Variants in ARHGAP8 observed in about 807,000 individuals in gnomAD.
The protein encoded by ARHGAP8 is rho GTPase-activating protein 8.
A neutral mutation model predicts 46.1 loss-of-function variants in ARHGAP8; 62 were observed. The ratio of observed to expected loss-of-function variants is 1.34; its 90% CI spans 1.10 to 1.66. The LOEUF (loss-of-function observed/expected upper bound fraction) is 1.66. Among genes scored for constraint, ARHGAP8 ranks in the 40% most tolerant of loss-of-function variants. ARHGAP8 has a pLI of 0.00. For synonymous variants in ARHGAP8, 375 were observed against 243.1 expected, an observed-to-expected ratio of 1.54 and a Z score of -5.05; for missense variants, 923 against 568.4, an observed-to-expected ratio of 1.62 and a Z score of -6.34.
At chr22:44,824,559 A>G (rs560377318) in intron 6 of ARHGAP8, among the ~76,000 whole-genome samples, 7 of 151,980 alleles carry the variant, frequency 4.6e-5, no homozygotes, top group Admixed American at 1.3e-4. Context: ...TAGGGCTTCA[A>G]TACGTATTTG....
At chr22:44,775,846 T>A (rs578220844) in intron 1 of ARHGAP8, among the ~76,000 whole-genome samples, 2 of 152,288 alleles carry the variant, frequency 1.3e-5, no homozygotes, top group South Asian at 4.2e-4. Context: ...ATGTAGCTAC[T>A]TAGCATTCTG....
At chr22:44,769,748 C>T (rs931867408) in intron 1 of ARHGAP8, among the ~76,000 whole-genome samples, 1 of 152,170 alleles carries the variant, frequency 6.6e-6, no homozygotes, top group Non-Finnish European at 1.5e-5. Context: ...CTGCCTGCTA[C>T]ACAGAAAACC....
chr22:44,784,434 A>G (rs1204998154), intron 1 of ARHGAP8, among the ~76,000 whole-genome samples: 1 of 152,208 alleles, frequency 6.6e-6, no homozygotes, highest in Non-Finnish European at 1.5e-5. Flanking sequence ...AAACAGTATA[A>G]AAATTCCTTA....
At chr22:44,849,164 C>T in intron 10 of ARHGAP8, 104 bp downstream of exon 10, 3 of 1,562,932 alleles carry the variant, frequency 1.9e-6, no homozygotes, top group African/African-American at 1.3e-5. Context: ...GTGACGTGTA[C>T]CCACCCTCCT....
intron 10 of ARHGAP8, 119 bp from the exon 11 acceptor site, chr22:44,859,612 A>C: frequency 9.1e-6 from 10 of 1,098,396 alleles, no homozygotes; most frequent in East Asian, 2.5e-5. Flanking sequence ...CCAAGCCCAA[A>C]TGTGGGATAG....
intron 9 of ARHGAP8, 132 bp downstream of exon 9, chr22:44,848,182 G>A: frequency 7.6e-7 from 1 of 1,316,832 alleles, no homozygotes. Context: ...TCAGGGTGGG[G>A]GCAGCTTCCC....
chr22:44,860,729 C>A (rs749961040), intron 11 of ARHGAP8, among the ~76,000 whole-genome samples: 2 of 149,628 alleles, frequency 1.3e-5, no homozygotes, highest in Non-Finnish European at 3.0e-5. Context: ...GGGCAGGGAT[C>A]CATTTGGAGC....
intron 1 of ARHGAP8, among the ~76,000 whole-genome samples, chr22:44,779,444 C>T (rs897697762): frequency 6.6e-6 from 1 of 152,048 alleles, no homozygotes; most frequent in Non-Finnish European, 1.5e-5. Context: ...CCACTCACGT[C>T]GGTACGCGTG....
At chr22:44,772,352 CT>C (rs58041776) in intron 1 of ARHGAP8, among the ~76,000 whole-genome samples, 9,284 of 92,340 alleles carry the variant, frequency 0.1, 473 homozygotes, top group African/African-American at 0.12. Flanking sequence ...TTTCTTTTTT[CT>C]TTTTTTTTTT....
chr22:44,842,513 C>T (rs1332095980), intron 7 of ARHGAP8, among the ~76,000 whole-genome samples: 1 of 152,218 alleles, frequency 6.6e-6, no homozygotes, highest in Non-Finnish European at 1.5e-5. Flanking sequence ...CCAGAAAGGT[C>T]ACGTGCTTTG....
rs374688147 is a variant in ARHGAP8 at position 44,859,717 on chromosome 22, C to G, written c.878-14C>G. The G allele has an allele frequency of 4.7e-5, 75 of 1,612,566 alleles. No individual in the cohort carries two copies. The African/African-American group carries it at 8.8e-4, about 19-fold the overall frequency. The stretch of plus-strand genomic sequence containing the variant: ...CCCCTCTGGAGCTCAGCAGGGAGCC[C>G]CATGCCCTTCCAGGTGTGGAGAGCA... On this transcript the variant is annotated splice_polypyrimidine_tract_variant and intron_variant, in intron 10 of 11. Transcript: ENST00000356099.
Position 44,814,734 on chromosome 22 carries a change from G to A in ARHGAP8, c.362G>A (p.Trp121Ter), listed in dbSNP as rs1424084144. ...VHPTSFIKVLWNILKPLISHK... is the reference protein window; with the variant it reads ...VHPTSFIKVL ...CCCACCAGCTTCATCAAGGTCCTGT[G>A]GAACATCTTGAAGCCCCTCATCAGG... is the stretch of plus-strand genomic sequence containing the variant. The change falls in exon 5 of 12, where the codon TGG becomes TAG. Residue 121 changes from tryptophan (W) to a stop codon, truncating the protein, a stop_gained. Transcript: ENST00000356099. LOFTEE classifies it high-confidence loss of function. 1.2e-6 allele frequency: 2 copies of A among 1,613,876 alleles called. No homozygotes were observed. Among genetic ancestry groups the A allele is most frequent in the East Asian group, 2.2e-5 (1 of 44,880 alleles).
rs190758588 is a variant in ARHGAP8 at position 44,779,519 on chromosome 22, C to T, written c.-71-6938C>T. On this transcript the variant is annotated intron_variant, in intron 1 of 11. Coordinates refer to ENST00000356099, the MANE Select transcript of ARHGAP8 (RefSeq NM_181335.3). Reference sequence around the variant, plus strand: ...GTAGGACATCTGCCATTTACATCTCCTTTGCCTGCTGTGGAGATTTACATG... The same window carrying T: ...GTAGGACATCTGCCATTTACATCTCTTTTGCCTGCTGTGGAGATTTACATG... Among the ~76,000 whole-genome samples the T allele has an allele frequency of 8.2e-3, 1,243 of 151,522 alleles. 20 individuals are homozygous for T. The highest frequency in any genetic ancestry group is 0.029 in the African/African-American group (1,183 of 41,264).
intron 11 of ARHGAP8, among the ~76,000 whole-genome samples, chr22:44,861,403 G>A (rs1462898005): frequency 1.3e-5 from 2 of 152,204 alleles, no homozygotes; most frequent in African/African-American, 2.4e-5. Flanking sequence ...GCCTCGGCTT[G>A]AGGAGGGGTG....
Position 44,825,203 on chromosome 22 carries a change from A to G in ARHGAP8, c.486-280A>G, listed in dbSNP as rs570039071. Among the ~76,000 whole-genome samples the G allele has an allele frequency of 9.9e-5, 15 of 152,200 alleles. No individual in the cohort carries two copies. The South Asian group carries it at 2.5e-3, about 25-fold the overall frequency. On this transcript the variant is annotated intron_variant, in intron 6 of 11. Coordinates refer to ENST00000356099, the MANE Select transcript of ARHGAP8 (RefSeq NM_181335.3). ...TCACGCCCACCTTGGGGCTGACCGC[A>G]TGGTAAGCAGGTGAGGCTGCTCTGC... is the stretch of plus-strand genomic sequence containing the variant.
At chr22:44,835,787 C>T (rs1297759259) in intron 7 of ARHGAP8, among the ~76,000 whole-genome samples, 1 of 152,142 alleles carries the variant, frequency 6.6e-6, no homozygotes, top group East Asian at 1.9e-4. Flanking sequence ...CTCCTTATCT[C>T]CCAGAGCCAA....
At position 44,779,218 on chromosome 22, in the gene ARHGAP8, G is replaced by A. The variant is rs545502597; in HGVS notation, c.-71-7239G>A. Reference sequence around the variant, plus strand: ...GGGTTCAAGCGATTCTCCTGCCTCAGCCTCCCTAGTAGCTGGGATTACAGG... The same window carrying A: ...GGGTTCAAGCGATTCTCCTGCCTCAACCTCCCTAGTAGCTGGGATTACAGG... On this transcript the variant is annotated intron_variant, in intron 1 of 11. Coordinates refer to ENST00000356099, the MANE Select transcript of ARHGAP8 (RefSeq NM_181335.3). Among the ~76,000 whole-genome samples the A allele has an allele frequency of 3.3e-5, 5 of 151,072 alleles. No homozygotes were observed. In the East Asian group the frequency reaches 5.9e-4, roughly 18 times the overall value.
At chr22:44,821,208 G>T (rs1428288761) in intron 5 of ARHGAP8, among the ~76,000 whole-genome samples, 3 of 144,650 alleles carry the variant, frequency 2.1e-5, no homozygotes, top group African/African-American at 7.4e-5. Context: ...AAGGCGGGCG[G>T]ATCACGAGGT....
intron 1 of ARHGAP8, among the ~76,000 whole-genome samples, chr22:44,785,026 G>A (rs1004262818): frequency 1.3e-5 from 2 of 152,182 alleles, no homozygotes; most frequent in East Asian, 1.9e-4. Context: ...CCCAAGGACT[G>A]GGGTAGACCG....
Sources: gnomAD v4.1 joint callset for allele counts (sites outside exome capture counted in the v4.1 genomes callset) on GRCh38, gnomAD v4.1.1 for gene constraint, MANE v1.5 for transcripts, NCBI Gene and HGNC (gene_info 2026-07-23, HGNC 2026-07-21) for gene names.